Variants in COL6A6 observed in about 807,000 individuals in gnomAD.
The protein encoded by COL6A6 is collagen type VI alpha 6 chain, also known as collagen alpha-6(VI) chain.
COL6A6 carries 183 observed loss-of-function variants against 208.6 expected under a neutral mutation model. The observed-to-expected ratio is 0.88, with a 90% CI of 0.78 to 0.99. COL6A6 has a LOEUF of 0.99. COL6A6 is among the 50% of genes least tolerant of loss of function. The pLI, the probability that COL6A6 is intolerant of heterozygous loss-of-function variation, is 0.00. For missense variants in COL6A6, 2,816 were observed against 2,815.2 expected, an observed-to-expected ratio of 1.00 and a Z score of -0.01; for synonymous variants, 973 against 1,011.8, an observed-to-expected ratio of 0.96 and a Z score of 0.73.
intron 1 of COL6A6, among the ~76,000 whole-genome samples, chr3:130,518,279 G>A (rs572256596): frequency 3.5e-4 from 53 of 152,024 alleles, no homozygotes; most frequent in Non-Finnish European, 6.2e-4. Flanking sequence ...GATAACAGCA[G>A]TTTTCTGTTA....
intron 34 of COL6A6, among the ~76,000 whole-genome samples, chr3:130,659,398 G>A (rs1159317089): frequency 6.6e-6 from 1 of 152,160 alleles, no homozygotes; most frequent in Non-Finnish European, 1.5e-5. Flanking sequence ...GGAATCATTG[G>A]TGGCTGTAAT....
At chr3:130,619,443 T>C (rs2064639515) in intron 23 of COL6A6, among the ~76,000 whole-genome samples, 1 of 152,214 alleles carries the variant, frequency 6.6e-6, no homozygotes, top group African/African-American at 2.4e-5. Context: ...CATAAAGCGA[T>C]GGAAGTAGTC....
intron 29 of COL6A6, among the ~76,000 whole-genome samples, chr3:130,642,290 T>A (rs1327914934): frequency 2.6e-5 from 4 of 151,472 alleles, no homozygotes; most frequent in Non-Finnish European, 5.9e-5. Context: ...TGTGTGTATT[T>A]TTTGTTTTGG....
chr3:130,518,644 T>C (rs908699838), intron 1 of COL6A6, among the ~76,000 whole-genome samples: 2 of 152,182 alleles, frequency 1.3e-5, no homozygotes, highest in Admixed American at 6.5e-5. Context: ...GTAGCTGGGA[T>C]TACAGGCATG....
Position 130,589,072 on chromosome 3 carries a change from T to G in COL6A6, c.4126-18T>G. ...AGCAATACCACCAAATGTAATGTAT[T>G]TCTTACCCTCTCCCAAGGTCAATGT... On this transcript the variant is annotated intron_variant, in intron 11 of 36. Transcript: ENST00000358511. The G allele has an allele frequency of 1.2e-6, 2 of 1,606,202 alleles. No individual in the cohort carries two copies. The highest frequency in any genetic ancestry group is 8.5e-7 in the Non-Finnish European group (1 of 1,173,150).
chr3:130,651,658 T>C (rs1468492188), intron 33 of COL6A6, among the ~76,000 whole-genome samples: 1 of 152,190 alleles, frequency 6.6e-6, no homozygotes, highest in Non-Finnish European at 1.5e-5. Flanking sequence ...GGGGCCGGGC[T>C]ATGCAAATAG....
intron 1 of COL6A6, among the ~76,000 whole-genome samples, chr3:130,531,424 C>A (rs1163753169): frequency 2.0e-5 from 3 of 152,118 alleles, no homozygotes; most frequent in Non-Finnish European, 4.4e-5. Flanking sequence ...CAGGTGAGAA[C>A]AACTGGTATA....
At chr3:130,544,405 T>C (rs2062444868) in intron 1 of COL6A6, among the ~76,000 whole-genome samples, 1 of 152,144 alleles carries the variant, frequency 6.6e-6, no homozygotes. Context: ...TGTGTGTGTA[T>C]CTCAGTTTCT....
At chr3:130,612,182 G>A (rs980119956) in intron 23 of COL6A6, among the ~76,000 whole-genome samples, 7 of 152,102 alleles carry the variant, frequency 4.6e-5, no homozygotes, top group African/African-American at 7.2e-5. Flanking sequence ...CCATTCTAAT[G>A]TTGTTGGGCA....
At chr3:130,608,549 T>C (rs1476507509) in intron 21 of COL6A6, among the ~76,000 whole-genome samples, 5 of 152,034 alleles carry the variant, frequency 3.3e-5, no homozygotes, top group Non-Finnish European at 7.4e-5. Context: ...CTTGAAGATG[T>C]TTGAAGAAAA....
In COL6A6 at chr3:130,565,633, A is replaced by G. The variant is rs1415185570; in HGVS notation, c.1282+19A>G. Reference sequence around the variant, plus strand: ...AAATCTGGTAAGGTCTTCTGCTGAAAGAAGGGTTGTTTGGATTCTTTTTTT... The same window carrying G: ...AAATCTGGTAAGGTCTTCTGCTGAAGGAAGGGTTGTTTGGATTCTTTTTTT... On this transcript the variant is annotated intron_variant, in intron 4 of 36. Transcript: ENST00000358511. 1 of 1,588,388 alleles carries G rather than the reference A, an allele frequency of 6.3e-7. No homozygotes were observed. The highest frequency in any genetic ancestry group is 8.6e-7 in the Non-Finnish European group (1 of 1,167,848).
chr3:130,582,689 T>C (rs797006178), intron 10 of COL6A6, among the ~76,000 whole-genome samples: 38 of 152,274 alleles, frequency 2.5e-4, no homozygotes, highest in Middle Eastern at 3.4e-3. Context: ...TGACTCAGAA[T>C]AGAAGTCCTC....
At chr3:130,640,315 A>G (rs1473839905) in intron 28 of COL6A6, among the ~76,000 whole-genome samples, 3 of 151,926 alleles carry the variant, frequency 2.0e-5, no homozygotes, top group Non-Finnish European at 4.4e-5. Context: ...TTCCAGATTC[A>G]CATTTTATGG....
At position 130,566,779 on chromosome 3, in the gene COL6A6, G is replaced by GA; in HGVS notation, c.1363dup (p.Met455AsnfsTer18). ...GAGCACCCAGGCCACAGATTTCCAT[G>GA]AAATGAAGACGTTCCTGTCAGAGGT... On this transcript the variant is annotated frameshift_variant, in exon 5 of 37. Coordinates refer to ENST00000358511, the MANE Select transcript of COL6A6 (RefSeq NM_001102608.3). LOFTEE classifies it high-confidence loss of function. 2 of 1,614,020 alleles carry GA rather than the reference G, an allele frequency of 1.2e-6. No homozygotes were observed. Among genetic ancestry groups the GA allele is most frequent in the Non-Finnish European group, 1.7e-6 (2 of 1,179,902 alleles).
chr3:130,674,260 A>G (rs897052276), intron 36 of COL6A6, among the ~76,000 whole-genome samples: 1 of 152,218 alleles, frequency 6.6e-6, no homozygotes, highest in East Asian at 1.9e-4. Context: ...CCTCAGTCAC[A>G]CTACATTTCA....
At chr3:130,524,773 A>G (rs965524872) in intron 1 of COL6A6, among the ~76,000 whole-genome samples, 1 of 152,354 alleles carries the variant, frequency 6.6e-6, no homozygotes, top group Admixed American at 6.5e-5. Context: ...TAAGTTGGGC[A>G]GTGTGCTGGG....
chr3:130,520,229 T>G (rs13089151), intron 1 of COL6A6, among the ~76,000 whole-genome samples: 2 of 152,152 alleles, frequency 1.3e-5, no homozygotes, highest in Non-Finnish European at 2.9e-5. Flanking sequence ...GTCTTTCTAC[T>G]TTCAGCAGAA....
chr3:130,521,566 T>C (rs1711071232), intron 1 of COL6A6, among the ~76,000 whole-genome samples: 1 of 152,230 alleles, frequency 6.6e-6, no homozygotes, highest in South Asian at 2.1e-4. Flanking sequence ...ATATCCAGGC[T>C]TTTCTCCTCT....
chr3:130,620,855 T>A lies in COL6A6; in HGVS notation c.4816-966T>A, dbSNP rs369763372. Reference sequence around the variant, plus strand: ...AATTACAACAACCATGACGAAAAAATTGTGCAAATGATTTCAGCTCACTGG... The same window carrying A: ...AATTACAACAACCATGACGAAAAAAATGTGCAAATGATTTCAGCTCACTGG... On this transcript the variant is annotated intron_variant, in intron 23 of 36. Coordinates refer to ENST00000358511, the MANE Select transcript of COL6A6 (RefSeq NM_001102608.3). Among the ~76,000 whole-genome samples, 6 of 152,238 alleles carry A rather than the reference T, an allele frequency of 3.9e-5. No individual in the cohort carries two copies. The East Asian group carries it at 1.2e-3, about 29-fold the overall frequency.
Sources: allele counts gnomAD v4.1 joint callset (sites outside exome capture counted in the v4.1 genomes callset), GRCh38; gene constraint gnomAD v4.1.1; transcripts MANE v1.5; gene names NCBI Gene and HGNC (gene_info 2026-07-23, HGNC 2026-07-21).